TRIM9: variants seen among roughly 807,000 people sequenced by gnomAD.
TRIM9 encodes tripartite motif containing 9.
Under a neutral mutation model 78.3 loss-of-function variants are expected in TRIM9, and 26 were observed. That is an observed-to-expected ratio of 0.33 (90% CI 0.24 to 0.46). The LOEUF is 0.46. TRIM9 is among the 20% of genes least tolerant of loss of function. The pLI, the probability that TRIM9 is intolerant of heterozygous loss-of-function variation, is 1.00. For missense variants in TRIM9, 787 were observed against 1,036.4 expected (o/e 0.76, Z 3.30); for synonymous variants, 398 against 416.5 (o/e 0.96, Z 0.54).
chr14:51,074,896 T>C (rs768977601), intron 1 of TRIM9, among the ~76,000 whole-genome samples: 11 of 152,214 alleles, frequency 7.2e-5, no homozygotes, highest in Non-Finnish European at 1.6e-4. Context: ...CGCAACTACA[T>C]GGTTCATCTC....
intron 1 of TRIM9, among the ~76,000 whole-genome samples, chr14:51,086,217 A>C (rs757293734): frequency 9.9e-5 from 15 of 152,206 alleles, no homozygotes; most frequent in Non-Finnish European, 2.1e-4. Context: ...GCAGTTAAAC[A>C]TGTGAGTTGT....
At position 50,979,452 on chromosome 14, in the gene TRIM9, G is replaced by A. The variant is rs1263135008; in HGVS notation, c.2260C>T (p.Pro754Ser). ...TFFINDEQQG[P>S]IAFDNVEGLF... is the part of the protein sequence containing the mutation. ...CCCTCCACGTTATCAAATGCTATGG[G>A]ACCTTGTTGTTCATCGTTGATAAAA... Residue 754 changes from proline to serine, a missense_variant, in exon 12 of 13, where the codon CCC becomes TCC. Physicochemically the swap from Pro to Ser is moderately conservative, Grantham distance 74. This residue lies in a region of TRIM9 where 421 missense variants were observed against 514.3 expected (regional missense o/e 0.82). Coordinates refer to ENST00000684578, the MANE Select transcript of TRIM9 (RefSeq NM_001387360.1). The A allele has an allele frequency of 2.5e-6, 4 of 1,614,052 alleles. No homozygotes were observed. The South Asian group carries it at 3.3e-5, about 13-fold the overall frequency.
At chr14:51,036,319 C>T (rs1052539555) in intron 1 of TRIM9, among the ~76,000 whole-genome samples, 15 of 152,056 alleles carry the variant, frequency 9.9e-5, no homozygotes, top group South Asian at 6.2e-4. Context: ...TTTTGAGAGC[C>T]GGTTTGTCAG....
At chr14:51,024,784 G>A (rs956169636) in intron 2 of TRIM9, among the ~76,000 whole-genome samples, 10 of 151,008 alleles carry the variant, frequency 6.6e-5, no homozygotes, top group African/African-American at 2.4e-4. Context: ...CAGAAAGGGA[G>A]GAAGAAAAAA....
chr14:51,070,009 T>C (rs1037492339), intron 1 of TRIM9, among the ~76,000 whole-genome samples: 1 of 152,240 alleles, frequency 6.6e-6, no homozygotes, highest in Admixed American at 6.5e-5. Context: ...ACTTCATAGC[T>C]GAGGTTGATC....
intron 5 of TRIM9, among the ~76,000 whole-genome samples, chr14:51,003,151 C>A (rs1024923158): frequency 1.3e-5 from 2 of 152,176 alleles, no homozygotes; most frequent in African/African-American, 4.8e-5. Flanking sequence ...AACTTTAGGT[C>A]ATTTTAACTA....
intron 8 of TRIM9, among the ~76,000 whole-genome samples, chr14:50,985,704 G>T (rs941823144): frequency 1.3e-5 from 2 of 152,186 alleles, no homozygotes; most frequent in Admixed American, 6.5e-5. Context: ...TGTGCGAAAA[G>T]AATAACTTCA....
intron 1 of TRIM9, among the ~76,000 whole-genome samples, chr14:51,055,565 G>C (rs2060830833): frequency 6.6e-6 from 1 of 152,256 alleles, no homozygotes; most frequent in Non-Finnish European, 1.5e-5. Flanking sequence ...TGAATGGTTA[G>C]AGAGAAACAA....
intron 1 of TRIM9, among the ~76,000 whole-genome samples, chr14:51,049,304 A>T (rs2060203130): frequency 2.0e-5 from 3 of 152,072 alleles, no homozygotes; most frequent in Admixed American, 2.0e-4. Flanking sequence ...TTACAGATTG[A>T]AAAGATTATA....
At chr14:51,042,780 C>A (rs918855194) in intron 1 of TRIM9, among the ~76,000 whole-genome samples, 1 of 152,118 alleles carries the variant, frequency 6.6e-6, no homozygotes, top group Non-Finnish European at 1.5e-5. Flanking sequence ...ATGAGCTTTG[C>A]CAGGACCCCA....
At chr14:51,011,695 T>A (rs1336484273) in intron 3 of TRIM9, among the ~76,000 whole-genome samples, 1 of 152,254 alleles carries the variant, frequency 6.6e-6, no homozygotes, top group East Asian at 1.9e-4. Context: ...TTCCATTAAA[T>A]ATTATTTCAT....
chr14:50,999,714 T>C (rs2054695529), intron 6 of TRIM9, among the ~76,000 whole-genome samples: 1 of 152,122 alleles, frequency 6.6e-6, no homozygotes. Context: ...GGTCTCCTCT[T>C]CATCAGTGCA....
intron 1 of TRIM9, among the ~76,000 whole-genome samples, chr14:51,051,765 A>T (rs2060442254): frequency 6.6e-6 from 1 of 152,072 alleles, no homozygotes; most frequent in Non-Finnish European, 1.5e-5. Flanking sequence ...TCAGGAGTTC[A>T]AGGCCAGCCT....
intron 3 of TRIM9, among the ~76,000 whole-genome samples, chr14:51,019,644 T>C (rs1019409087): frequency 6.6e-6 from 1 of 152,242 alleles, no homozygotes; most frequent in African/African-American, 2.4e-5. Flanking sequence ...GGGTGTTGAA[T>C]GAAACCATAT....
At chr14:50,982,455 GATGCCT>G in intron 10 of TRIM9, 1 of 366,778 alleles carries the variant, frequency 2.7e-6, no homozygotes, top group Non-Finnish European at 5.1e-6. Flanking sequence ...GATGCGCTAA[GATGCCT>G]GTGTAACCCC....
At chr14:51,055,504 A>G (rs2060824072) in intron 1 of TRIM9, among the ~76,000 whole-genome samples, 1 of 152,248 alleles carries the variant, frequency 6.6e-6, no homozygotes. Flanking sequence ...CAAGTCTCTT[A>G]AAAGTGGTAG....
chr14:51,066,041 G>A (rs1008255399), intron 1 of TRIM9, among the ~76,000 whole-genome samples: 1 of 143,686 alleles, frequency 7.0e-6, no homozygotes, highest in East Asian at 2.1e-4. Flanking sequence ...GCAGGCCTGA[G>A]CATCTCTTTT....
chr14:51,059,619 G>A (rs1203729397), intron 1 of TRIM9, among the ~76,000 whole-genome samples: 1 of 152,066 alleles, frequency 6.6e-6, no homozygotes, highest in Non-Finnish European at 1.5e-5. Flanking sequence ...CCAATAGGGT[G>A]AAACCCCATC....
intron 5 of TRIM9, among the ~76,000 whole-genome samples, chr14:51,004,230 A>G (rs369576835): frequency 1.1e-4 from 16 of 152,148 alleles, no homozygotes; most frequent in African/African-American, 3.6e-4. Flanking sequence ...TCCTTCTTTT[A>G]GCCTGTAAAA....
Sources: allele counts gnomAD v4.1 joint callset (sites outside exome capture counted in the v4.1 genomes callset), GRCh38; gene constraint gnomAD v4.1.1; regional missense constraint gnomAD v4.1.1; transcripts MANE v1.5; gene names NCBI Gene and HGNC (gene_info 2026-07-23, HGNC 2026-07-21).